CAMK1D: variants seen among roughly 807,000 people sequenced by gnomAD.
The protein encoded by CAMK1D is calcium/calmodulin-dependent protein kinase type 1D.
CAMK1D carries 9 observed loss-of-function variants against 47.7 expected under a neutral mutation model. That is an observed-to-expected ratio of 0.19 (90% CI 0.11 to 0.33). The LOEUF (loss-of-function observed/expected upper bound fraction) is 0.33. CAMK1D is among the 10% of genes least tolerant of loss of function. The pLI is 1.00. For missense variants in CAMK1D, 291 were observed against 488.7 expected (o/e 0.60, Z 3.81); for synonymous variants, 184 against 184.9 (o/e 0.99, Z 0.04).
intron 3 of CAMK1D, among the ~76,000 whole-genome samples, chr10:12,702,185 C>T (rs1833547100): frequency 6.6e-6 from 1 of 151,976 alleles, no homozygotes; most frequent in Non-Finnish European, 1.5e-5. Flanking sequence ...GCAGGGACAG[C>T]TGGCCATCCC....
chr10:12,618,492 A>G (rs1483056772), intron 2 of CAMK1D, among the ~76,000 whole-genome samples: 1 of 152,202 alleles, frequency 6.6e-6, no homozygotes, highest in Non-Finnish European at 1.5e-5. Flanking sequence ...GTGTCCATAA[A>G]GAGTATCATG....
chr10:12,765,448 A>T (rs570101466), intron 4 of CAMK1D, among the ~76,000 whole-genome samples: 1 of 152,302 alleles, frequency 6.6e-6, no homozygotes, highest in African/African-American at 2.4e-5. Context: ...TTCCTGCTAA[A>T]GGCAGGCTAA....
At chr10:12,636,997 A>G (rs552618747) in intron 2 of CAMK1D, among the ~76,000 whole-genome samples, 1 of 152,050 alleles carries the variant, frequency 6.6e-6, no homozygotes, top group African/African-American at 2.4e-5. Flanking sequence ...TTTTTGATAC[A>G]GTCTCTCTCT....
At chr10:12,369,060 C>T (rs888871351) in intron 1 of CAMK1D, among the ~76,000 whole-genome samples, 2 of 152,110 alleles carry the variant, frequency 1.3e-5, no homozygotes, top group African/African-American at 4.8e-5. Flanking sequence ...CGTGCTCTGC[C>T]CACCTCTGTC....
At chr10:12,606,779 C>T (rs1229839695) in intron 2 of CAMK1D, among the ~76,000 whole-genome samples, 1 of 151,990 alleles carries the variant, frequency 6.6e-6, no homozygotes, top group Non-Finnish European at 1.5e-5. Context: ...AGATGAGAAA[C>T]CTGAGGCTTG....
At chr10:12,516,544 A>G (rs950468528) in intron 1 of CAMK1D, among the ~76,000 whole-genome samples, 1 of 152,168 alleles carries the variant, frequency 6.6e-6, no homozygotes, top group African/African-American at 2.4e-5. Flanking sequence ...TATTTATTGA[A>G]CCTTGTCAGA....
chr10:12,657,002 C>T (rs1378950528), intron 2 of CAMK1D, among the ~76,000 whole-genome samples: 3 of 152,292 alleles, frequency 2.0e-5, no homozygotes, highest in South Asian at 2.1e-4. Flanking sequence ...AGAGCTAAGA[C>T]GCAAGCTAAT....
intron 1 of CAMK1D, among the ~76,000 whole-genome samples, chr10:12,442,272 G>A (rs933992794): frequency 9.2e-5 from 14 of 152,150 alleles, no homozygotes; most frequent in African/African-American, 3.4e-4. Flanking sequence ...ACGAGTTCAG[G>A]AGATGGAGAC....
chr10:12,733,263 A>G (rs1046764309), intron 3 of CAMK1D, among the ~76,000 whole-genome samples: 1 of 152,238 alleles, frequency 6.6e-6, no homozygotes, highest in Non-Finnish European at 1.5e-5. Flanking sequence ...CAGATATTCT[A>G]ACAGCTGAGA....
At chr10:12,482,528 TC>T (rs1319027940) in intron 1 of CAMK1D, among the ~76,000 whole-genome samples, 1 of 152,246 alleles carries the variant, frequency 6.6e-6, no homozygotes, top group Non-Finnish European at 1.5e-5. Flanking sequence ...AGTGAATTCT[TC>T]TGTCTTGGGA....
At chr10:12,365,446 GT>G (rs1207432921) in intron 1 of CAMK1D, among the ~76,000 whole-genome samples, 1 of 151,708 alleles carries the variant, frequency 6.6e-6, no homozygotes, top group African/African-American at 2.4e-5. Flanking sequence ...TTTTGTTTTT[GT>G]TTTTGTTTTG....
chr10:12,635,046 G>A (rs562882420), intron 2 of CAMK1D, among the ~76,000 whole-genome samples: 9 of 152,308 alleles, frequency 5.9e-5, no homozygotes, highest in Non-Finnish European at 1.2e-4. Context: ...TTGATGGGGC[G>A]TATGTTGGAG....
chr10:12,414,534 C>T (rs1839779053), intron 1 of CAMK1D, among the ~76,000 whole-genome samples: 1 of 152,164 alleles, frequency 6.6e-6, no homozygotes, highest in South Asian at 2.1e-4. Flanking sequence ...ACGTTTTGTA[C>T]AAGCATTTTG....
At chr10:12,596,585 G>A (rs996988987) in intron 2 of CAMK1D, among the ~76,000 whole-genome samples, 1 of 152,172 alleles carries the variant, frequency 6.6e-6, no homozygotes, top group African/African-American at 2.4e-5. Flanking sequence ...CCTAGGTACC[G>A]ATTTCTAGGT....
In CAMK1D at chr10:12,664,223, T is replaced by G. The variant is rs191266671; in HGVS notation, c.225-2513T>G. Among the ~76,000 whole-genome samples, 22 of 152,322 alleles carry G rather than the reference T, an allele frequency of 1.4e-4. 1 individual carries two copies. In the East Asian group the frequency reaches 3.7e-3, roughly 25 times the overall value. On this transcript the variant is annotated intron_variant, in intron 2 of 10. Coordinates refer to ENST00000619168, the MANE Select transcript of CAMK1D (RefSeq NM_153498.4). Reference sequence around the variant, plus strand: ...AGCTTTTTGATAGCAAAACTTTATTTTTTATTTTTCTTTTCTTCCAGACAC... The same window carrying G: ...AGCTTTTTGATAGCAAAACTTTATTGTTTATTTTTCTTTTCTTCCAGACAC...
At position 12,831,960 on chromosome 10, in the gene CAMK1D, C is replaced by T. The variant is rs1833426068; in HGVS notation, c.*3073C>T. ...TAGGACCCGCACCAAGGTCAGAGTC[C>T]ACCTGTAGAGGCTGAGCATTTCTAC... is the stretch of plus-strand genomic sequence containing the variant. On this transcript the variant is annotated 3_prime_UTR_variant, in exon 11 of 11. Transcript: ENST00000619168. 1 of 152,204 alleles carries T rather than the reference C, an allele frequency of 6.6e-6. No homozygotes were observed. The allele number at this position is 152,204 out of a possible 1,614,324, so 9.4% of individuals were successfully genotyped here.
intron 3 of CAMK1D, among the ~76,000 whole-genome samples, chr10:12,670,827 G>T (rs895381489): frequency 6.6e-5 from 10 of 152,168 alleles, no homozygotes; most frequent in South Asian, 2.1e-4. Context: ...GGGATTACAG[G>T]TGTGAGCCAC....
At chr10:12,582,120 T>A (rs1837682124) in intron 2 of CAMK1D, among the ~76,000 whole-genome samples, 1 of 152,210 alleles carries the variant, frequency 6.6e-6, no homozygotes, top group Non-Finnish European at 1.5e-5. Flanking sequence ...TAACCAATTA[T>A]CCTAGCACAT....
intron 5 of CAMK1D, among the ~76,000 whole-genome samples, chr10:12,777,356 G>A (rs1479209072): frequency 6.7e-6 from 1 of 149,116 alleles, no homozygotes; most frequent in East Asian, 2.0e-4. Flanking sequence ...ATGAGGATTT[G>A]GTTGAACTTT....
Sources: gnomAD v4.1 joint callset for allele counts (sites outside exome capture counted in the v4.1 genomes callset) on GRCh38, gnomAD v4.1.1 for gene constraint, MANE v1.5 for transcripts, NCBI Gene and HGNC (gene_info 2026-07-23, HGNC 2026-07-21) for gene names.